STAMBP: variants seen among roughly 807,000 people sequenced by gnomAD.
STAMBP encodes the protein STAM-binding protein.
STAMBP carries 31 observed loss-of-function variants against 50.7 expected under a neutral mutation model. The ratio of observed to expected loss-of-function variants is 0.61; its 90% CI spans 0.46 to 0.83. STAMBP has a LOEUF of 0.83. STAMBP is among the 40% of genes least tolerant of loss of function. The probability of loss-of-function intolerance (pLI) is 0.00; values close to 1 mark genes in which losing one functional copy is unlikely to be tolerated. For synonymous variants in STAMBP, 211 were observed against 192.4 expected (o/e 1.10, Z -0.80); for missense variants, 472 against 518.9 (o/e 0.91, Z 0.88).
chr2:73,852,917 GGTGTGTGTGTGTGTGTGTGT>G (rs56684009), intron 7 of STAMBP, among the ~76,000 whole-genome samples: 9,138 of 122,824 alleles, frequency 0.074, 597 homozygotes, highest in African/African-American at 0.18. Flanking sequence ...ATGTTGGCCA[GGTGTGTGTGTGTGTGTGTGT>G]GTGTGTGTGT....
chr2:73,868,157 A>C (rs1025529711), downstream of STAMBP, among the ~76,000 whole-genome samples: 48 of 152,060 alleles, frequency 3.2e-4, no homozygotes, highest in Non-Finnish European at 6.3e-4. Context: ...AATTAAGTAA[A>C]TGACATAAGT....
rs67469518 is a variant in STAMBP, at chr2:73,832,084, CATATATAT to C, written c.203+1043_203+1050del. Among the ~76,000 whole-genome samples, 28 of 118,520 alleles carry C rather than the reference CATATATAT, an allele frequency of 2.4e-4. 1 individual carries two copies. The highest frequency in any genetic ancestry group is 1.3e-3 in the South Asian group (5 of 3,780). The allele number at this position is 118,520 out of a possible 152,430, so 77.8% of individuals were successfully genotyped here. A position where few individuals can be genotyped will look rare whatever the true frequency, so the allele number is the denominator to read the frequency against. ...TTACTACTGATTTTTGAGTAGGTAA[CATATATAT>C]ATATATATATATATATACACATATA... On this transcript the variant is annotated intron_variant, in intron 2 of 9. Coordinates refer to ENST00000394070, the MANE Select transcript of STAMBP (RefSeq NM_213622.4).
Position 73,850,609 on chromosome 2 carries a change from G to A in STAMBP, c.1005+96G>A. 7.5e-7 allele frequency: 1 copy of A among 1,334,796 alleles called. No homozygotes were observed. The highest frequency in any genetic ancestry group is 1.0e-6 in the Non-Finnish European group (1 of 996,734). 82.7% of individuals were successfully genotyped at this position (1,334,796 alleles called of 1,614,324 possible). ...CTTTGAACAAAGTCAATTATATCCA[G>A]ATTATTTATTGTTTTTCTCTCTTTT... On this transcript the variant is annotated intron_variant, in intron 7 of 9. Coordinates refer to ENST00000394070, the MANE Select transcript of STAMBP (RefSeq NM_213622.4). The surrounding 1 kb of genome is among the most constrained non-coding windows in gnomAD (Gnocchi z 4.3).
intron 2 of STAMBP, among the ~76,000 whole-genome samples, chr2:73,838,289 A>T (rs949244571): frequency 1.3e-5 from 2 of 152,198 alleles, no homozygotes; most frequent in African/African-American, 4.8e-5. Flanking sequence ...AAATGAATGG[A>T]TGTGACTGGT....
At position 73,842,543 on chromosome 2, in the gene STAMBP, A is replaced by C. The variant is rs1014511132; in HGVS notation, c.204-2270A>C. Among the ~76,000 whole-genome samples the C allele has an allele frequency of 2.0e-5, 3 of 152,192 alleles. No homozygotes were observed. The South Asian group carries it at 6.2e-4, about 31-fold the overall frequency. ...TTATAAGTCTTTCTTAAATGTATGT[A>C]TAGCTCATATTTATTTCAGTGTTTA... On this transcript the variant is annotated intron_variant, in intron 2 of 9. Transcript: ENST00000394070.
At chr2:73,847,340 A>T (rs751762064) in intron 4 of STAMBP, 47 bp from the exon 5 acceptor site, 1 of 1,538,450 alleles carries the variant, frequency 6.5e-7, no homozygotes, top group South Asian at 1.3e-5. Context: ...CTGAAGTGTG[A>T]AGTCACTGAG....
chr2:73,847,910 T>G (rs914667103), intron 5 of STAMBP, among the ~76,000 whole-genome samples, 157 bp downstream of exon 5: 1 of 152,224 alleles, frequency 6.6e-6, no homozygotes, highest in Non-Finnish European at 1.5e-5. Context: ...CCTAATACAC[T>G]GGCTATGTTA....
At chr2:73,832,100 T>C (rs1674009255) in intron 2 of STAMBP, among the ~76,000 whole-genome samples, 3 of 134,556 alleles carry the variant, frequency 2.2e-5, no homozygotes, top group African/African-American at 9.2e-5. Context: ...TATATATATA[T>C]ATATATATAC....
In STAMBP at chr2:73,860,164, G is replaced by C; in HGVS notation, c.1218+13G>C. The C allele has an allele frequency of 6.2e-7, 1 of 1,607,892 alleles. No individual in the cohort carries two copies. Among genetic ancestry groups the C allele is most frequent in the Non-Finnish European group, 8.5e-7 (1 of 1,175,504 alleles). ...ACCTCTGTTCTGTGTACGTATCTAT[G>C]TAAAAGAAAATGGGGCTATGCTTCA... On this transcript the variant is annotated intron_variant, in intron 9 of 9. Coordinates refer to ENST00000394070, the MANE Select transcript of STAMBP (RefSeq NM_213622.4).
chr2:73,832,614 A>G (rs1674106858), intron 2 of STAMBP, among the ~76,000 whole-genome samples: 1 of 152,126 alleles, frequency 6.6e-6, no homozygotes, highest in African/African-American at 2.4e-5. Context: ...TTTTGATCAC[A>G]TACTCCTCTA....
intron 2 of STAMBP, among the ~76,000 whole-genome samples, chr2:73,833,274 A>G (rs1220245999): frequency 6.6e-6 from 1 of 152,210 alleles, no homozygotes; most frequent in Non-Finnish European, 1.5e-5. Flanking sequence ...GTTTGTTTAT[A>G]CATTAAATTA....
intron 2 of STAMBP, 60 bp downstream of exon 2, chr2:73,831,119 C>T: frequency 2.8e-6 from 4 of 1,425,752 alleles, no homozygotes; most frequent in Non-Finnish European, 4.0e-6. Flanking sequence ...CTATTTGGCT[C>T]AGAATTGCTA....
At chr2:73,860,294 C>A in intron 9 of STAMBP, 143 bp downstream of exon 9, 1 of 682,622 alleles carries the variant, frequency 1.5e-6, no homozygotes, top group Non-Finnish European at 2.4e-6. Context: ...TAAGGACGTA[C>A]ATGAGAAGCA....
exon 11 of STAMBP, chr2:73,873,600 A>G (rs868461094): frequency 2.6e-5 from 4 of 152,258 alleles, no homozygotes; most frequent in African/African-American, 7.2e-5. Context: ...CTTCTGCTGT[A>G]CAAACACAAA....
chr2:73,869,277 A>G (rs1033075518), downstream of STAMBP, among the ~76,000 whole-genome samples: 3 of 152,250 alleles, frequency 2.0e-5, no homozygotes, highest in South Asian at 4.1e-4. Flanking sequence ...AATTCAGCAC[A>G]TAGCAACTAA....
intron 9 of STAMBP, among the ~76,000 whole-genome samples, chr2:73,861,982 A>G (rs1450842452): frequency 1.3e-5 from 2 of 152,124 alleles, no homozygotes; most frequent in Admixed American, 6.5e-5. Flanking sequence ...TACTAAAAAC[A>G]CAAAATTAGC....
At chr2:73,855,615 T>G (rs1677450576) in intron 7 of STAMBP, 1 of 456,122 alleles carries the variant, frequency 2.2e-6, no homozygotes, top group South Asian at 1.5e-5. Context: ...GATTATATTC[T>G]CATCAGGTAG....
intron 1 of STAMBP, among the ~76,000 whole-genome samples, chr2:73,830,169 A>G (rs1367253725): frequency 6.6e-6 from 1 of 152,236 alleles, no homozygotes; most frequent in Non-Finnish European, 1.5e-5. Context: ...TGTTTAGTCT[A>G]TGAAGATGAG....
intron 4 of STAMBP, among the ~76,000 whole-genome samples, chr2:73,846,865 T>A (rs1676143172): frequency 6.6e-6 from 1 of 152,080 alleles, no homozygotes; most frequent in Admixed American, 6.6e-5. Context: ...GCAGATTGTT[T>A]GAGCCCAGGA....
Sources: allele counts gnomAD v4.1 joint callset (sites outside exome capture counted in the v4.1 genomes callset), GRCh38; gene constraint gnomAD v4.1.1; non-coding constraint Gnocchi (gnomAD v3.1); transcripts MANE v1.5; gene names NCBI Gene and HGNC (gene_info 2026-07-23, HGNC 2026-07-21).